The following ALDH5A1 variants were observed in gnomAD, a reference collection of about 807,000 sequenced individuals.
ALDH5A1 encodes aldehyde dehydrogenase 5 family member A1, also known as succinate-semialdehyde dehydrogenase, mitochondrial.
Under a neutral mutation model 54.7 loss-of-function variants are expected in ALDH5A1, and 33 were observed. The ratio of observed to expected loss-of-function variants is 0.60; its 90% CI spans 0.46 to 0.81. ALDH5A1 has a LOEUF of 0.81. Ranked by LOEUF, ALDH5A1 falls within the 30% of genes least tolerant of loss-of-function variation. The probability of loss-of-function intolerance (pLI) is 0.00; values close to 1 mark genes in which losing one functional copy is unlikely to be tolerated. For synonymous variants in ALDH5A1, 294 were observed against 292.7 expected (o/e 1.00, Z -0.05); for missense variants, 657 against 711.0 (o/e 0.92, Z 0.86).
At chr6:24,530,063 C>T (rs1219944657) in intron 8 of ALDH5A1, among the ~76,000 whole-genome samples, 2 of 152,154 alleles carry the variant, frequency 1.3e-5, no homozygotes, top group Non-Finnish European at 2.9e-5. Flanking sequence ...GCTTTTCTAG[C>T]CTTCCAAGTA....
intron 4 of ALDH5A1, among the ~76,000 whole-genome samples, chr6:24,507,652 T>G (rs1759384372): frequency 6.6e-6 from 1 of 151,886 alleles, no homozygotes; most frequent in Non-Finnish European, 1.5e-5. Flanking sequence ...TTGGTTTTAC[T>G]CCCTTAGGAA....
chr6:24,524,204 C>T (rs1421022000), intron 7 of ALDH5A1, among the ~76,000 whole-genome samples: 2 of 152,092 alleles, frequency 1.3e-5, no homozygotes, highest in Admixed American at 6.5e-5. Context: ...AGACTGCTCT[C>T]GAACTCCTGA....
rs1005306351 is a variant in ALDH5A1, at chr6:24,534,247, A to G, written c.*535A>G. 2 of 162,852 alleles carry G rather than the reference A, an allele frequency of 1.2e-5. No homozygotes were observed. The highest frequency in any genetic ancestry group is 2.7e-5 in the Non-Finnish European group (2 of 73,266). The allele number at this position is 162,852 out of a possible 1,614,324, so 10.1% of individuals were successfully genotyped here. On this transcript the variant is annotated 3_prime_UTR_variant, in exon 10 of 10. Coordinates refer to ENST00000357578, the MANE Select transcript of ALDH5A1 (RefSeq NM_001080.3). ...CAGAGGTTTGAGTGAACCCTCTTTCAAAGACAATAAATAGCACAGAATTGT... is the reference window on the plus strand; with the variant it reads ...CAGAGGTTTGAGTGAACCCTCTTTCGAAGACAATAAATAGCACAGAATTGT...
intron 6 of ALDH5A1, 103 bp from the exon 7 acceptor site, chr6:24,522,664 C>T (rs372965986): frequency 2.4e-5 from 34 of 1,395,762 alleles, no homozygotes; most frequent in Middle Eastern, 4.3e-4. Flanking sequence ...TGACAACCAC[C>T]GAGGGAAGTG....
chr6:24,496,931 C>T (rs888241234), intron 1 of ALDH5A1, among the ~76,000 whole-genome samples: 4 of 152,056 alleles, frequency 2.6e-5, no homozygotes, highest in East Asian at 1.9e-4. Context: ...CCATTCAGCC[C>T]GTAACATCAG....
intron 7 of ALDH5A1, among the ~76,000 whole-genome samples, chr6:24,523,497 A>G (rs181096898): frequency 2.0e-5 from 3 of 152,330 alleles, no homozygotes; most frequent in Non-Finnish European, 4.4e-5. Flanking sequence ...ATGAGCTGCT[A>G]TAGCCCTGCC....
Position 24,522,800 on chromosome 6 carries a change from A to AG in ALDH5A1, c.1052dup (p.Ile352HisfsTer3). The AG allele has an allele frequency of 6.2e-7, 1 of 1,614,110 alleles. No individual in the cohort carries two copies. Among genetic ancestry groups the AG allele is most frequent in the Non-Finnish European group, 8.5e-7 (1 of 1,180,006 alleles). ...TTGCTCAAACCAATTCTTGGTGCAA[A>AG]GGGGCATCCATGATGCCTTTGTAAA... On this transcript the variant is annotated frameshift_variant, in exon 7 of 10. Transcript: ENST00000357578. LOFTEE classifies it high-confidence loss of function.
chr6:24,510,414 A>G (rs935478870), intron 4 of ALDH5A1, among the ~76,000 whole-genome samples: 1 of 151,964 alleles, frequency 6.6e-6, no homozygotes, highest in Non-Finnish European at 1.5e-5. Context: ...GAAATCCCCC[A>G]TTATTATTGT....
In ALDH5A1 at chr6:24,533,655, CA is replaced by C. The variant is rs1561881366; in HGVS notation, c.1553del (p.Lys518SerfsTer28). 6.2e-7 allele frequency: 1 copy of C among 1,613,862 alleles called. No homozygotes were observed. The highest frequency in any genetic ancestry group is 8.5e-7 in the Non-Finnish European group (1 of 1,179,996). ...KQSGLGREGS[K>X]YGIDEYLELK... ...AGTCCGGCCTTGGGCGAGAGGGGTCCAAGTATGGCATTGATGAGTATCTGGA... is the reference window on the plus strand; with the variant it reads ...AGTCCGGCCTTGGGCGAGAGGGGTCCAGTATGGCATTGATGAGTATCTGGA... On this transcript the variant is annotated frameshift_variant, in exon 10 of 10. Transcript: ENST00000357578. LOFTEE classifies it high-confidence loss of function.
chr6:24,527,955 A>G, intron 7 of ALDH5A1, 42 bp from the exon 8 acceptor site: 7 of 1,608,752 alleles, frequency 4.4e-6, no homozygotes, highest in Non-Finnish European at 6.0e-6. Flanking sequence ...ATTCTAAAAG[A>G]TTGTATCATG....
intron 1 of ALDH5A1, among the ~76,000 whole-genome samples, chr6:24,498,735 G>A (rs563182562): frequency 9.9e-5 from 15 of 152,154 alleles, no homozygotes; most frequent in East Asian, 3.9e-4. Flanking sequence ...AGGCCAAGGC[G>A]AGTGGATCAC....
chr6:24,526,045 T>G (rs976895374), intron 7 of ALDH5A1, among the ~76,000 whole-genome samples: 2 of 152,168 alleles, frequency 1.3e-5, no homozygotes, highest in African/African-American at 4.8e-5. Flanking sequence ...ACTTTGCCTT[T>G]TGGGGAAGGG....
chr6:24,520,294 C>T, intron 5 of ALDH5A1, 107 bp from the exon 6 acceptor site: 1 of 1,257,786 alleles, frequency 8.0e-7, no homozygotes, highest in Admixed American at 1.7e-5. Flanking sequence ...CCATGTACAC[C>T]ACTGTGCACC....
intron 6 of ALDH5A1, among the ~76,000 whole-genome samples, chr6:24,522,478 C>CGTGTGT (rs5874989): frequency 3.8e-4 from 51 of 134,596 alleles, no homozygotes; most frequent in South Asian, 1.8e-3. Flanking sequence ...TCTTTTCTTT[C>CGTGTGT]GTGTGTGTGT....
chr6:24,521,277 A>T (rs746436750), intron 6 of ALDH5A1, among the ~76,000 whole-genome samples: 1 of 152,262 alleles, frequency 6.6e-6, no homozygotes, highest in Non-Finnish European at 1.5e-5. Flanking sequence ...CACAGTTATC[A>T]GCTCTACAAA....
Position 24,502,686 on chromosome 6 carries a change from C to A in ALDH5A1, c.438+80C>A, listed in dbSNP as rs534908371. ...CTAAACTTGGGAAAGCCGCTGACTT[C>A]CCTTCACTGCTGGCTGTAGCTGAAG... On this transcript the variant is annotated intron_variant, in intron 2 of 9. Transcript: ENST00000357578. 4.0e-6 allele frequency: 4 copies of A among 992,652 alleles called. No individual in the cohort carries two copies. In the Admixed American group the frequency reaches 5.8e-5, roughly 14 times the overall value. The allele number at this position is 992,652 out of a possible 1,614,324, so 61.5% of individuals were successfully genotyped here.
At chr6:24,523,113 T>A (rs544498187) in intron 7 of ALDH5A1, among the ~76,000 whole-genome samples, 188 bp downstream of exon 7, 21 of 152,186 alleles carry the variant, frequency 1.4e-4, no homozygotes, top group Admixed American at 1.4e-3. Context: ...TTAGCAACAA[T>A]GTATTGTATA....
At chr6:24,508,898 G>C (rs1263804759) in intron 4 of ALDH5A1, among the ~76,000 whole-genome samples, 1 of 152,098 alleles carries the variant, frequency 6.6e-6, no homozygotes, top group Non-Finnish European at 1.5e-5. Context: ...TCATATGTTT[G>C]TGGGCCATTT....
At chr6:24,520,297 T>C in intron 5 of ALDH5A1, 104 bp from the exon 6 acceptor site, 1 of 1,322,814 alleles carries the variant, frequency 7.6e-7, no homozygotes, top group Admixed American at 1.7e-5. Flanking sequence ...TGTACACCAC[T>C]GTGCACCTTG....
Sources: gnomAD v4.1 joint callset for allele counts (sites outside exome capture counted in the v4.1 genomes callset) on GRCh38, gnomAD v4.1.1 for gene constraint, MANE v1.5 for transcripts, NCBI Gene and HGNC (gene_info 2026-07-23, HGNC 2026-07-21) for gene names.